The following PLD1 variants were observed in gnomAD, a reference collection of about 807,000 sequenced individuals.
PLD1 encodes choline phosphatase 1.
A neutral mutation model predicts 137.1 loss-of-function variants in PLD1; 112 were observed. That is an observed-to-expected ratio of 0.82 (90% CI 0.70 to 0.96). The LOEUF (loss-of-function observed/expected upper bound fraction) is 0.96. PLD1 is among the 40% of genes least tolerant of loss of function. The pLI, the probability that PLD1 is intolerant of heterozygous loss-of-function variation, is 0.00. For missense variants in PLD1, 1,321 were observed against 1,342.0 expected (o/e 0.98, Z 0.24); for synonymous variants, 431 against 454.7 (o/e 0.95, Z 0.66).
At chr3:171,787,107 A>G (rs2108347210) in intron 1 of PLD1, among the ~76,000 whole-genome samples, 1 of 152,312 alleles carries the variant, frequency 6.6e-6, no homozygotes, top group South Asian at 2.1e-4. Context: ...GAGTCAACCA[A>G]ACATGGTCCC....
intron 10 of PLD1, among the ~76,000 whole-genome samples, 199 bp from the exon 11 acceptor site, chr3:171,709,037 G>A (rs1273171946): frequency 1.3e-5 from 2 of 152,188 alleles, no homozygotes; most frequent in Non-Finnish European, 2.9e-5. Flanking sequence ...GTAAGTGTAA[G>A]CAGCCTGATT....
intron 1 of PLD1, among the ~76,000 whole-genome samples, chr3:171,761,851 C>T (rs902912585): frequency 2.0e-5 from 3 of 152,146 alleles, no homozygotes; most frequent in Non-Finnish European, 4.4e-5. Context: ...AGATGCAGGC[C>T]AGCCTCTTTG....
intron 21 of PLD1, 142 bp downstream of exon 21, chr3:171,659,071 A>C (rs985078651): frequency 3.0e-6 from 2 of 658,710 alleles, no homozygotes; most frequent in Non-Finnish European, 5.5e-6. Context: ...ACTCAGACTA[A>C]AGGCATCAAT....
At chr3:171,725,422 G>A (rs1718430480) in intron 7 of PLD1, among the ~76,000 whole-genome samples, 2 of 152,138 alleles carry the variant, frequency 1.3e-5, no homozygotes, top group Admixed American at 1.3e-4. Flanking sequence ...GCAGAGCACA[G>A]CTACTAGTTT....
intron 1 of PLD1, among the ~76,000 whole-genome samples, chr3:171,802,876 G>A (rs979112742): frequency 1.3e-5 from 2 of 152,196 alleles, no homozygotes; most frequent in Non-Finnish European, 2.9e-5. Context: ...CAGCCCAGAT[G>A]ACCTGATTCT....
At chr3:171,626,186 C>T (rs189697241) in intron 23 of PLD1, among the ~76,000 whole-genome samples, 1 of 152,004 alleles carries the variant, frequency 6.6e-6, no homozygotes, top group South Asian at 2.1e-4. Context: ...AGCCAAGGCT[C>T]GAGAACTACA....
chr3:171,773,403 C>G (rs1384936289), intron 1 of PLD1, among the ~76,000 whole-genome samples: 1 of 152,032 alleles, frequency 6.6e-6, no homozygotes, highest in African/African-American at 2.4e-5. Flanking sequence ...TCAGCCTGAC[C>G]AACATGGTGA....
chr3:171,635,264 T>C (rs1735009065), intron 23 of PLD1, among the ~76,000 whole-genome samples: 1 of 152,182 alleles, frequency 6.6e-6, no homozygotes, highest in Admixed American at 6.5e-5. Context: ...ACATTTGTTT[T>C]TAATATTTGG....
chr3:171,646,435 A>G (rs1199865630), intron 21 of PLD1, among the ~76,000 whole-genome samples: 2 of 152,196 alleles, frequency 1.3e-5, no homozygotes, highest in Non-Finnish European at 2.9e-5. Flanking sequence ...TGGAAAGAGA[A>G]GTTCAGGGCA....
intron 1 of PLD1, among the ~76,000 whole-genome samples, chr3:171,772,189 C>A (rs1404615843): frequency 2.6e-5 from 4 of 152,082 alleles, no homozygotes; most frequent in Non-Finnish European, 4.4e-5. Flanking sequence ...ACTTATTTTC[C>A]CCTAGTTTTC....
chr3:171,609,734 T>C (rs1021215670), intron 25 of PLD1, among the ~76,000 whole-genome samples: 5 of 152,000 alleles, frequency 3.3e-5, no homozygotes, highest in East Asian at 1.9e-4. Flanking sequence ...ATAACTGACG[T>C]TGGAGACTCC....
At chr3:171,699,669 G>C (rs915662204) in intron 12 of PLD1, 76 bp downstream of exon 12, 3 of 1,037,968 alleles carry the variant, frequency 2.9e-6, no homozygotes, top group East Asian at 2.4e-5. Context: ...CGTGTGAAAG[G>C]CTTTGAAAAG....
chr3:171,614,783 G>A (rs1336572368), intron 24 of PLD1, among the ~76,000 whole-genome samples: 1 of 152,178 alleles, frequency 6.6e-6, no homozygotes, highest in Non-Finnish European at 1.5e-5. Context: ...TTTGTTTCGG[G>A]TCAGGAGAAC....
In PLD1 at chr3:171,673,732, T is replaced by C. The variant is rs955121741; in HGVS notation, c.2229+768A>G. Among the ~76,000 whole-genome samples, 6 of 152,266 alleles carry C rather than the reference T, an allele frequency of 3.9e-5. No homozygotes were observed. In the East Asian group the frequency reaches 1.2e-3, roughly 29 times the overall value. ...ATGTCTGCATTATATAAGTCCCTACTGATGGTCCCTACTGATGATATGTAG... is the reference window on the plus strand; with the variant it reads ...ATGTCTGCATTATATAAGTCCCTACCGATGGTCCCTACTGATGATATGTAG... On this transcript the variant is annotated intron_variant, in intron 19 of 26. Coordinates refer to ENST00000351298, the MANE Select transcript of PLD1 (RefSeq NM_002662.5).
At chr3:171,726,902 G>A (rs1355229277) in intron 6 of PLD1, among the ~76,000 whole-genome samples, 1 of 152,162 alleles carries the variant, frequency 6.6e-6, no homozygotes, top group African/African-American at 2.4e-5. Context: ...AATATTTTCT[G>A]CAAAGAGCCA....
intron 11 of PLD1, among the ~76,000 whole-genome samples, chr3:171,706,596 TATTA>T (rs1393589117): frequency 1.3e-5 from 2 of 152,328 alleles, no homozygotes; most frequent in Admixed American, 1.3e-4. Context: ...TCTCCTGTTT[TATTA>T]ATTCTATTTC....
Position 171,699,738 on chromosome 3 carries a change from T to C in PLD1, c.1227+7A>G. ...ATTATATCAGCATTTTCTGGGAAAG[T>C]ACATACTGCTTTTCGTTTAAGAATG... On this transcript the variant is annotated splice_region_variant and intron_variant, in intron 12 of 26. Transcript: ENST00000351298. 1 of 1,599,058 alleles carries C rather than the reference T, an allele frequency of 6.3e-7. No homozygotes were observed. The highest frequency in any genetic ancestry group is 8.6e-7 in the Non-Finnish European group (1 of 1,166,728).
chr3:171,663,831 A>T (rs908137200), intron 19 of PLD1, among the ~76,000 whole-genome samples: 1 of 152,244 alleles, frequency 6.6e-6, no homozygotes, highest in African/African-American at 2.4e-5. Flanking sequence ...TGATATTGAA[A>T]ATAAAAAGAA....
At chr3:171,617,412 T>C (rs964142339) in intron 24 of PLD1, among the ~76,000 whole-genome samples, 4 of 152,192 alleles carry the variant, frequency 2.6e-5, no homozygotes, top group Non-Finnish European at 5.9e-5. Context: ...CATCCTAGTG[T>C]TTCTGCTCTC....
Sources: allele counts gnomAD v4.1 joint callset (sites outside exome capture counted in the v4.1 genomes callset), GRCh38; gene constraint gnomAD v4.1.1; transcripts MANE v1.5; gene names NCBI Gene and HGNC (gene_info 2026-07-23, HGNC 2026-07-21).